MCC: variants seen among roughly 807,000 people sequenced by gnomAD.
MCC encodes colorectal mutant cancer protein.
In MCC, 90 loss-of-function variants were observed where a neutral mutation model predicts 116.2. The ratio of observed to expected loss-of-function variants is 0.77; its 90% CI spans 0.65 to 0.92. The LOEUF (loss-of-function observed/expected upper bound fraction) is 0.92, where lower values mean the gene tolerates loss of function less well. MCC is among the 40% of genes least tolerant of loss of function. The probability of loss-of-function intolerance (pLI) is 0.00; values close to 1 mark genes in which losing one functional copy is unlikely to be tolerated. For synonymous variants in MCC, 578 were observed against 510.5 expected, an observed-to-expected ratio of 1.13 and a Z score of -1.78; for missense variants, 1,516 against 1,312.2, an observed-to-expected ratio of 1.16 and a Z score of -2.40.
At chr5:113,064,246 C>CAGAGTTAATTA in intron 13 of MCC, 79 bp from the exon 14 acceptor site, 1 of 1,331,296 alleles carries the variant, frequency 7.5e-7, no homozygotes, top group Non-Finnish European at 1.0e-6. Flanking sequence ...GCATAATTAA[C>CAGAGTTAATTA]TCTGTTACTT....
intron 3 of MCC, among the ~76,000 whole-genome samples, chr5:113,335,441 T>TAG (rs1767847483): frequency 6.6e-6 from 1 of 151,828 alleles, no homozygotes; most frequent in Admixed American, 6.5e-5. Flanking sequence ...AGAATTTATC[T>TAG]AGACATTGCT....
At chr5:113,481,004 T>TAGGTTCAAGAGATCCACCTGCCTC (rs1772363509) in intron 1 of MCC, among the ~76,000 whole-genome samples, 1 of 152,120 alleles carries the variant, frequency 6.6e-6, no homozygotes, top group Non-Finnish European at 1.5e-5. Flanking sequence ...CTTGAACTCC[T>TAGGTTCAAGAGATCCACCTGCCTC]AGGTTCAAGA....
chr5:113,483,770 T>C (rs1017797962), intron 1 of MCC, among the ~76,000 whole-genome samples: 2 of 152,058 alleles, frequency 1.3e-5, no homozygotes, highest in Non-Finnish European at 1.5e-5. Context: ...CTGTTCACAA[T>C]AGTAAAGACA....
intron 11 of MCC, among the ~76,000 whole-genome samples, chr5:113,074,215 G>C (rs564427473): frequency 2.6e-5 from 4 of 152,208 alleles, no homozygotes; most frequent in Admixed American, 1.3e-4. Context: ...AACATCTGCC[G>C]TTCTGCAGTA....
rs1019832997 is a variant in MCC, at chr5:113,024,102, T to G, written c.*3200A>C. ...AAAGCCTATGGGCTCTAATTTGGAC[T>G]TCCTTTTGGAGTAGAATGTCAAGGC... On this transcript the variant is annotated 3_prime_UTR_variant, in exon 19 of 19. Transcript: ENST00000408903. 6.6e-6 allele frequency: 1 copy of G among 152,240 alleles called. No homozygotes were observed. The highest frequency in any genetic ancestry group is 2.4e-5 in the African/African-American group (1 of 41,462). The allele number at this position is 152,240 out of a possible 1,614,324, so 9.4% of individuals were successfully genotyped here.
At chr5:113,352,120 A>C (rs1282121944) in intron 2 of MCC, among the ~76,000 whole-genome samples, 1 of 152,190 alleles carries the variant, frequency 6.6e-6, no homozygotes, top group Non-Finnish European at 1.5e-5. Context: ...GTGGACTTTT[A>C]AAAAAACTAT....
chr5:113,293,142 C>A (rs1156565350), intron 3 of MCC, among the ~76,000 whole-genome samples: 1 of 152,282 alleles, frequency 6.6e-6, no homozygotes. Context: ...GAGCACCAGG[C>A]AGGGCCCAAT....
At chr5:113,142,956 A>G (rs765622119) in intron 5 of MCC, among the ~76,000 whole-genome samples, 3 of 152,204 alleles carry the variant, frequency 2.0e-5, no homozygotes, top group Admixed American at 6.5e-5. Flanking sequence ...GAGGACCACA[A>G]CCTCCACCTT....
At chr5:113,047,899 G>T (rs1463347506) in intron 16 of MCC, among the ~76,000 whole-genome samples, 1 of 151,552 alleles carries the variant, frequency 6.6e-6, no homozygotes. Flanking sequence ...TCACCAGACA[G>T]CCTGCTTTCA....
chr5:113,252,791 T>G (rs530298268), intron 3 of MCC, among the ~76,000 whole-genome samples: 1 of 151,082 alleles, frequency 6.6e-6, no homozygotes, highest in Non-Finnish European at 1.5e-5. Context: ...GACTCCAGTT[T>G]CTATCTCCTC....
chr5:113,257,679 G>A (rs1204490884), intron 3 of MCC, among the ~76,000 whole-genome samples: 1 of 152,168 alleles, frequency 6.6e-6, no homozygotes, highest in Non-Finnish European at 1.5e-5. Flanking sequence ...AGTAGCTAGG[G>A]CCGCGAGTGC....
intron 17 of MCC, among the ~76,000 whole-genome samples, chr5:113,034,934 G>A (rs1023643294): frequency 2.0e-5 from 3 of 152,100 alleles, no homozygotes; most frequent in African/African-American, 7.2e-5. Context: ...AATACTGGGT[G>A]TTGTTTAGGA....
chr5:113,147,437 C>A (rs1434476774), intron 4 of MCC, among the ~76,000 whole-genome samples: 1 of 152,216 alleles, frequency 6.6e-6, no homozygotes, highest in African/African-American at 2.4e-5. Flanking sequence ...ACCGAGGCCA[C>A]TGATCTTTAA....
At chr5:113,083,109 G>T in intron 10 of MCC, 101 bp from the exon 11 acceptor site, 3 of 1,144,240 alleles carry the variant, frequency 2.6e-6, no homozygotes, top group Non-Finnish European at 3.7e-6. Context: ...GAGAATCGGG[G>T]ACTGGGAGGA....
intron 1 of MCC, among the ~76,000 whole-genome samples, chr5:113,482,627 T>C (rs1408743224): frequency 1.3e-5 from 2 of 152,216 alleles, no homozygotes; most frequent in Non-Finnish European, 2.9e-5. Flanking sequence ...TATTATTAAG[T>C]ATTCTTTATA....
chr5:113,471,431 G>A (rs1390813128), intron 1 of MCC, among the ~76,000 whole-genome samples: 1 of 152,116 alleles, frequency 6.6e-6, no homozygotes, highest in African/African-American at 2.4e-5. Flanking sequence ...TTTTCTAGAG[G>A]TCCACTCCAG....
intron 1 of MCC, among the ~76,000 whole-genome samples, chr5:113,450,959 C>A (rs762082930): frequency 2.0e-5 from 3 of 152,204 alleles, no homozygotes; most frequent in Non-Finnish European, 4.4e-5. Context: ...AGCCCCTACC[C>A]TCCTTTTTTT....
rs963691853 is a variant in MCC at position 113,431,766 on chromosome 5, G to A, written c.171-46554C>T. 2.5e-5 allele frequency among the ~76,000 whole-genome samples: 3 copies of A among 121,364 alleles called. No individual in the cohort carries two copies. In the South Asian group the frequency reaches 8.3e-4, roughly 34 times the overall value. 79.6% of individuals were successfully genotyped at this position (121,364 alleles called of 152,430 possible). The stretch of plus-strand genomic sequence containing the variant: ...ATCCCAGCAGTTTGGGAGGCCAAGG[G>A]GGGGGGGGGGTGGATCACGAGGTCA... On this transcript the variant is annotated intron_variant, in intron 1 of 18. Transcript: ENST00000408903.
intron 3 of MCC, among the ~76,000 whole-genome samples, chr5:113,207,897 T>C (rs1317215088): frequency 1.3e-5 from 2 of 152,156 alleles, no homozygotes; most frequent in Non-Finnish European, 2.9e-5. Flanking sequence ...ATGAGAACCC[T>C]ACTCTCATCA....
Sources: allele counts gnomAD v4.1 joint callset (sites outside exome capture counted in the v4.1 genomes callset), GRCh38; gene constraint gnomAD v4.1.1; transcripts MANE v1.5; gene names NCBI Gene and HGNC (gene_info 2026-07-23, HGNC 2026-07-21).